The following RNF144A variants were observed in gnomAD, a reference collection of about 807,000 sequenced individuals.
The protein encoded by RNF144A is E3 ubiquitin-protein ligase RNF144A.
Under a neutral mutation model 38.7 loss-of-function variants are expected in RNF144A, and 11 were observed. The ratio of observed to expected loss-of-function variants is 0.28; its 90% CI spans 0.18 to 0.47. RNF144A has a LOEUF of 0.47. Among genes scored for constraint, RNF144A ranks in the 20% least tolerant of loss-of-function variants. The pLI, the probability that RNF144A is intolerant of heterozygous loss-of-function variation, is 0.99. For missense variants in RNF144A, 316 were observed against 377.2 expected (o/e 0.84, Z 1.34); for synonymous variants, 149 against 143.9 (o/e 1.04, Z -0.25).
chr2:6,925,559 G>A (rs1178988889), intron 1 of RNF144A, among the ~76,000 whole-genome samples: 2 of 152,238 alleles, frequency 1.3e-5, no homozygotes, highest in Non-Finnish European at 2.9e-5. Flanking sequence ...AAGGACAGAA[G>A]CAGGCAGGAA....
chr2:6,960,180 G>A (rs1667249951), intron 2 of RNF144A, among the ~76,000 whole-genome samples: 1 of 152,242 alleles, frequency 6.6e-6, no homozygotes, highest in Non-Finnish European at 1.5e-5. Context: ...GTTCAGTGAA[G>A]CCCTAAAATC....
At chr2:7,056,456 C>T (rs1384121234) in intron 6 of RNF144A, among the ~76,000 whole-genome samples, 1 of 152,142 alleles carries the variant, frequency 6.6e-6, no homozygotes, top group Non-Finnish European at 1.5e-5. Context: ...CTCCATCCCC[C>T]CAAATTCATA....
chr2:7,039,848 C>T lies in RNF144A; in HGVS notation c.*88C>T. ...CCACCGTCCCCCCTTCACTAAACAT[C>T]TTTCTTGCCTTATGTGCCCCATTGA... On this transcript the variant is annotated 3_prime_UTR_variant, in exon 9 of 9. Transcript: ENST00000320892. 6.5e-7 allele frequency: 1 copy of T among 1,536,184 alleles called. No homozygotes were observed. Among genetic ancestry groups the T allele is most frequent in the Non-Finnish European group, 8.8e-7 (1 of 1,138,606 alleles).
rs902191471 is a variant in RNF144A at position 7,043,649 on chromosome 2, G to A, written c.*3889G>A. 6 of 985,766 alleles carry A rather than the reference G, an allele frequency of 6.1e-6. No individual in the cohort carries two copies. The African/African-American group carries it at 1.0e-4, about 17-fold the overall frequency. 61.1% of individuals were successfully genotyped at this position (985,766 alleles called of 1,614,324 possible). On this transcript the variant is annotated 3_prime_UTR_variant, in exon 9 of 9. Coordinates refer to ENST00000320892, the MANE Select transcript of RNF144A (RefSeq NM_014746.6). The stretch of plus-strand genomic sequence containing the variant: ...CCAAAAACACCAAAAGGAACAAAGG[G>A]GCCTGCGTTAAAACCTAATTGCTAA...
At chr2:7,012,209 A>C (rs1670863757) in intron 3 of RNF144A, among the ~76,000 whole-genome samples, 1 of 152,250 alleles carries the variant, frequency 6.6e-6, no homozygotes, top group South Asian at 2.1e-4. Flanking sequence ...TGGGATTTTT[A>C]AATACCTATA....
At chr2:6,934,762 ACT>A (rs1665458599) in intron 1 of RNF144A, among the ~76,000 whole-genome samples, 1 of 152,204 alleles carries the variant, frequency 6.6e-6, no homozygotes, top group South Asian at 2.1e-4. Flanking sequence ...TACATAGAAG[ACT>A]CTGTGGAGTC....
intron 6 of RNF144A, among the ~76,000 whole-genome samples, chr2:7,058,453 C>T (rs543608969): frequency 1.3e-5 from 2 of 151,438 alleles, no homozygotes; most frequent in South Asian, 4.2e-4. Flanking sequence ...ACAAATTGAA[C>T]ATCATAACTA....
chr2:6,946,181 C>T (rs929750258), intron 2 of RNF144A, among the ~76,000 whole-genome samples: 3 of 152,140 alleles, frequency 2.0e-5, no homozygotes, highest in Non-Finnish European at 2.9e-5. Context: ...TTCCCAAAAG[C>T]CTAACAACAG....
intron 1 of RNF144A, chr2:6,932,949 C>T (rs1025536154): frequency 1.4e-4 from 22 of 152,208 alleles, no homozygotes; most frequent in African/African-American, 5.1e-4. Context: ...TCCCAGTGTA[C>T]AGACTATTAG....
Position 7,040,650 on chromosome 2 carries a change from C to T in RNF144A, c.*890C>T. ...TGCTTTGCTCGGCAATGGTTCTCCT[C>T]CGAATTGCTGCCGTCTGGCCTCTGG... is the stretch of plus-strand genomic sequence containing the variant. On this transcript the variant is annotated 3_prime_UTR_variant, in exon 9 of 9. Coordinates refer to ENST00000320892, the MANE Select transcript of RNF144A (RefSeq NM_014746.6). 1 of 985,486 alleles carries T rather than the reference C, an allele frequency of 1.0e-6. No homozygotes were observed. The highest frequency in any genetic ancestry group is 1.2e-6 in the Non-Finnish European group (1 of 829,958). The allele number at this position is 985,486 out of a possible 1,614,324, so 61.0% of individuals were successfully genotyped here.
intron 2 of RNF144A, among the ~76,000 whole-genome samples, chr2:6,991,999 G>A (rs1296241153): frequency 6.6e-6 from 1 of 152,156 alleles, no homozygotes; most frequent in Non-Finnish European, 1.5e-5. Flanking sequence ...CTGGTGACAT[G>A]GTAGACCTCC....
At chr2:7,071,263 T>A (rs893367156), downstream of RNF144A, among the ~76,000 whole-genome samples, 5 of 152,258 alleles carry the variant, frequency 3.3e-5, no homozygotes, top group Admixed American at 1.3e-4. Context: ...ACAGAAGCCC[T>A]GGGAAACTGA....
intron 3 of RNF144A, 64 bp downstream of exon 3, chr2:6,997,125 G>A (rs532895340): frequency 2.6e-6 from 4 of 1,539,678 alleles, no homozygotes; most frequent in Middle Eastern, 3.4e-4. Context: ...GCTTTCATTT[G>A]CAGAGACACT....
At position 6,982,911 on chromosome 2, in the gene RNF144A, G is replaced by A. The variant is rs372923870; in HGVS notation, c.-11-14005G>A. Among the ~76,000 whole-genome samples the A allele has an allele frequency of 1.1e-4, 17 of 152,348 alleles. No individual in the cohort carries two copies. In the East Asian group the frequency reaches 1.9e-3, roughly 17 times the overall value. ...TACATTGGAAAATAGCTGAGGCCCC[G>A]TGAAATGGAATGCCACAGCTTCTGC... On this transcript the variant is annotated intron_variant, in intron 2 of 8. Coordinates refer to ENST00000320892, the MANE Select transcript of RNF144A (RefSeq NM_014746.6).
At chr2:7,051,317 G>A (rs1673515010) in intron 6 of RNF144A, among the ~76,000 whole-genome samples, 1 of 152,180 alleles carries the variant, frequency 6.6e-6, no homozygotes, top group Admixed American at 6.5e-5. Context: ...GTAGGGTGAG[G>A]GGATTGGAGG....
downstream of RNF144A, among the ~76,000 whole-genome samples, chr2:7,070,882 C>T (rs1275218574): frequency 2.0e-5 from 3 of 152,012 alleles, no homozygotes; most frequent in African/African-American, 7.2e-5. Flanking sequence ...CTTCCAGCCT[C>T]CAGAACTGTG....
chr2:6,931,259 C>G (rs1015252127), intron 1 of RNF144A, among the ~76,000 whole-genome samples: 13 of 152,244 alleles, frequency 8.5e-5, no homozygotes, highest in African/African-American at 2.9e-4. Flanking sequence ...CCTGTGACTT[C>G]TCTGTAAATG....
At chr2:7,050,044 G>T (rs6431843) in intron 6 of RNF144A, among the ~76,000 whole-genome samples, 15,487 of 152,218 alleles carry the variant, frequency 0.1, 1,587 homozygotes, top group East Asian at 0.43. Context: ...TTGGAAGCTG[G>T]TCATGACTTT....
At chr2:7,071,370 C>CT (rs1468964446), downstream of RNF144A, among the ~76,000 whole-genome samples, 2 of 152,170 alleles carry the variant, frequency 1.3e-5, no homozygotes, top group Non-Finnish European at 2.9e-5. Flanking sequence ...TCCTTATGTG[C>CT]TTGATGGTCA....
Sources: gnomAD v4.1 joint callset for allele counts (sites outside exome capture counted in the v4.1 genomes callset) on GRCh38, gnomAD v4.1.1 for gene constraint, MANE v1.5 for transcripts, NCBI Gene and HGNC (gene_info 2026-07-23, HGNC 2026-07-21) for gene names.